The following OTX2 variants were observed in gnomAD, a reference collection of about 807,000 sequenced individuals.
OTX2 encodes homeobox protein OTX2.
A neutral mutation model predicts 29.0 loss-of-function variants in OTX2; 4 were observed. That is an observed-to-expected ratio of 0.14 (90% CI 0.07 to 0.32). OTX2 has a LOEUF of 0.32. Ranked by LOEUF, OTX2 falls within the 10% of genes least tolerant of loss-of-function variation. OTX2 has a pLI of 1.00. For missense variants in OTX2, 298 were observed against 365.9 expected (o/e 0.81, Z 1.51); for synonymous variants, 134 against 141.0 (o/e 0.95, Z 0.35).
At position 56,800,102 on chromosome 14, in the gene OTX2, T is replaced by C. The variant is rs545277545; in HGVS notation, c.*1633A>G. Reference sequence around the variant, plus strand: ...TACAACTGAAAAGGGACCCATTTTTTCCCCCTCGGCACTTTCTTAAACACA... The same window carrying C: ...TACAACTGAAAAGGGACCCATTTTTCCCCCCTCGGCACTTTCTTAAACACA... On this transcript the variant is annotated 3_prime_UTR_variant, in exon 5 of 5. Coordinates refer to ENST00000672264, the MANE Select transcript of OTX2 (RefSeq NM_021728.4). 2 of 152,278 alleles carry C rather than the reference T, an allele frequency of 1.3e-5. No individual in the cohort carries two copies. The highest frequency in any genetic ancestry group is 1.9e-4 in the East Asian group (1 of 5,180). 9.4% of individuals were successfully genotyped at this position (152,278 alleles called of 1,614,324 possible).
At position 56,802,438 on chromosome 14, in the gene OTX2, T is replaced by C. The variant is rs1379544344; in HGVS notation, c.274-83A>G. ...TGGCTCCCGTATTATAAATCTATCC[T>C]ACATGGGCAGATCAGCTAAACACAC... is the stretch of plus-strand genomic sequence containing the variant. On this transcript the variant is annotated intron_variant, in intron 4 of 4. Coordinates refer to ENST00000672264, the MANE Select transcript of OTX2 (RefSeq NM_021728.4). The surrounding 1 kb of genome is among the most constrained non-coding windows in gnomAD (Gnocchi z 4.4). The C allele has an allele frequency of 2.7e-6, 4 of 1,456,454 alleles. No homozygotes were observed. The highest frequency in any genetic ancestry group is 1.7e-5 in the Admixed American group (1 of 59,832). 90.2% of individuals were successfully genotyped at this position (1,456,454 alleles called of 1,614,324 possible).
Position 56,810,458 on chromosome 14 carries a change from C to T in OTX2, c.-266G>A, listed in dbSNP as rs1039808944. 6.6e-6 allele frequency: 1 copy of T among 152,138 alleles called. No individual in the cohort carries two copies. Among genetic ancestry groups the T allele is most frequent in the Non-Finnish European group, 1.5e-5 (1 of 68,028 alleles). 9.4% of individuals were successfully genotyped at this position (152,138 alleles called of 1,614,324 possible). ...AGGCTGTGTTGGAGCTGAGGCCGGT[C>T]CCGCTCTCAGGGAGATTTGCTGAGA... On this transcript the variant is annotated 5_prime_UTR_variant, in exon 1 of 5. Transcript: ENST00000672264.
chr14:56,809,469 G>A (rs1227613926), intron 2 of OTX2, among the ~76,000 whole-genome samples: 1 of 152,238 alleles, frequency 6.6e-6, no homozygotes. Flanking sequence ...AGACAACCGA[G>A]CTGTGCTAGG....
intron 2 of OTX2, among the ~76,000 whole-genome samples, chr14:56,809,535 C>G (rs576142440): frequency 6.6e-6 from 1 of 152,346 alleles, no homozygotes; most frequent in South Asian, 2.1e-4. Flanking sequence ...GGACGAGAAG[C>G]CAGCGCTCCC....
At chr14:56,807,082 G>A (rs1159620403) in intron 2 of OTX2, among the ~76,000 whole-genome samples, 1 of 152,122 alleles carries the variant, frequency 6.6e-6, no homozygotes, top group Non-Finnish European at 1.5e-5. Context: ...TAAATTCAGA[G>A]CACAAAAGTC....
Position 56,806,363 on chromosome 14 carries a change from A to G in OTX2, c.-119-788T>C, listed in dbSNP as rs1892089957. Reference sequence around the variant, plus strand: ...TGTCTAAGGAACGAAAGCTAAACAAACAAGTATTTAACTTTTAATAGACAC... The same window carrying G: ...TGTCTAAGGAACGAAAGCTAAACAAGCAAGTATTTAACTTTTAATAGACAC... On this transcript the variant is annotated intron_variant, in intron 2 of 4. Transcript: ENST00000672264. Among the ~76,000 whole-genome samples, 2 of 152,246 alleles carry G rather than the reference A, an allele frequency of 1.3e-5. 1 individual carries two copies. Among genetic ancestry groups the G allele is most frequent in the South Asian group, 4.1e-4 (2 of 4,836 alleles).
intron 4 of OTX2, among the ~76,000 whole-genome samples, chr14:56,803,882 A>G (rs1354436666): frequency 6.6e-6 from 1 of 152,176 alleles, no homozygotes; most frequent in African/African-American, 2.4e-5. Context: ...GTCCATGAGA[A>G]TAGGAGAGGA....
Position 56,802,211 on chromosome 14 carries a change from T to G in OTX2, c.418A>C (p.Thr140Pro), listed in dbSNP as rs758106958. The change falls in exon 5 of 5, where the codon ACT (threonine) becomes CCT (proline). Residue 140 changes from threonine (T) to proline (P), a missense_variant. Physicochemically the swap from Thr to Pro is conservative, Grantham distance 38. Coordinates refer to ENST00000672264, the MANE Select transcript of OTX2 (RefSeq NM_021728.4). The surrounding 1 kb of genome is among the most constrained non-coding windows in gnomAD (Gnocchi z 4.4). ...GGGACTGAGGTGCTAGAGGGGGGAG[T>G]GAATTGGCCACTTGTTCCACTCTCT... ...SSESGTSGQF[T>P]PPSSTSVPTI... 3.7e-6 allele frequency: 6 copies of G among 1,613,372 alleles called. No homozygotes were observed. In the South Asian group the frequency reaches 6.6e-5, roughly 18 times the overall value.
rs886744330 is a variant in OTX2, at chr14:56,804,020, G to C, written c.273+168C>G. On this transcript the variant is annotated intron_variant, in intron 4 of 4. Coordinates refer to ENST00000672264, the MANE Select transcript of OTX2 (RefSeq NM_021728.4). This position sits in a 1 kb window ranked among gnomAD's most constrained non-coding sequence, Gnocchi z 4.1. ...CTTGCTTACGGGATTAAGTGGTGAC[G>C]GGCAGGCAAAAAAGGGCAGAAGGAG... 1.3e-5 allele frequency among the ~76,000 whole-genome samples: 2 copies of C among 152,054 alleles called. No homozygotes were observed. Among genetic ancestry groups the C allele is most frequent in the Non-Finnish European group, 2.9e-5 (2 of 67,934 alleles).
At chr14:56,805,320 T>G in intron 3 of OTX2, 40 bp downstream of exon 3, 6 of 1,331,774 alleles carry the variant, frequency 4.5e-6, no homozygotes, top group Non-Finnish European at 5.4e-6. Flanking sequence ...AGGGTGGGCA[T>G]GGGGAAGAGG....
At chr14:56,809,113 C>T (rs1320448099) in intron 2 of OTX2, among the ~76,000 whole-genome samples, 1 of 152,162 alleles carries the variant, frequency 6.6e-6, no homozygotes, top group African/African-American at 2.4e-5. Context: ...CGCGAGCGCG[C>T]GGGCGAGCCC....
At chr14:56,808,015 G>C (rs1892149809) in intron 2 of OTX2, among the ~76,000 whole-genome samples, 1 of 149,896 alleles carries the variant, frequency 6.7e-6, no homozygotes, top group South Asian at 2.1e-4. Context: ...AGCCCCGCAG[G>C]CCTGGCGCCC....
intron 2 of OTX2, 67 bp from the exon 3 acceptor site, chr14:56,805,642 C>T (rs1566625629): frequency 3.2e-6 from 2 of 616,054 alleles, no homozygotes. Context: ...AGCTCTTCCA[C>T]GTTCCAGCAC....
chr14:56,809,449 T>G (rs1196251161), intron 2 of OTX2, among the ~76,000 whole-genome samples: 1 of 149,650 alleles, frequency 6.7e-6, no homozygotes, highest in Non-Finnish European at 1.5e-5. Context: ...TGGAAGCTTT[T>G]GGGAGAAACA....
intron 2 of OTX2, among the ~76,000 whole-genome samples, chr14:56,809,585 A>AACAGGGGCCG (rs1892207118): frequency 1.3e-5 from 2 of 152,076 alleles, no homozygotes; most frequent in Admixed American, 1.3e-4. Context: ...GCTCACGTTC[A>AACAGGGGCCG]ACAGGGGCCG....
intron 2 of OTX2, among the ~76,000 whole-genome samples, chr14:56,807,986 C>T (rs1022922180): frequency 4.7e-5 from 3 of 63,590 alleles, no homozygotes; most frequent in South Asian, 4.6e-4. Flanking sequence ...CCCGCAGCCC[C>T]GCAGCCCCGC....
At chr14:56,803,369 T>C (rs1217844594) in intron 4 of OTX2, among the ~76,000 whole-genome samples, 3 of 152,216 alleles carry the variant, frequency 2.0e-5, no homozygotes, top group Admixed American at 6.5e-5. Flanking sequence ...GGACTTTGGT[T>C]CAAGCCTTGC....
intron 2 of OTX2, among the ~76,000 whole-genome samples, chr14:56,809,392 GT>G (rs1892200194): frequency 6.6e-6 from 1 of 152,218 alleles, no homozygotes; most frequent in Non-Finnish European, 1.5e-5. Flanking sequence ...ACCCAGGGTG[GT>G]TTGGATTTTG....
In OTX2 at chr14:56,802,150, C is replaced by G; in HGVS notation, c.479G>C (p.Trp160Ser). 6.2e-7 allele frequency: 1 copy of G among 1,614,088 alleles called. No individual in the cohort carries two copies. The highest frequency in any genetic ancestry group is 1.1e-5 in the South Asian group (1 of 91,068). The change falls in exon 5 of 5, where the codon TGG becomes TCG. Residue 160 changes from tryptophan (W) to serine (S), a missense_variant. Physicochemically the swap from Trp to Ser is radical, Grantham distance 177 (BLOSUM62 -3). Transcript: ENST00000672264. This position sits in a 1 kb window ranked among gnomAD's most constrained non-coding sequence, Gnocchi z 4.4. ...CAGTGGGGAGATGGAAGCTGGGCTC[C>G]AGATAGACACAGGAGCACTGCTGCT... ...IASSSAPVSI[W>S]SPASISPLSD...
Sources: gnomAD v4.1 joint callset for allele counts (sites outside exome capture counted in the v4.1 genomes callset) on GRCh38, gnomAD v4.1.1 for gene constraint, Gnocchi (gnomAD v3.1) non-coding constraint, MANE v1.5 for transcripts, NCBI Gene and HGNC (gene_info 2026-07-23, HGNC 2026-07-21) for gene names.